The following FAM168A variants were observed in gnomAD, a reference collection of about 807,000 sequenced individuals.
FAM168A encodes the protein protein FAM168A.
FAM168A carries 3 observed loss-of-function variants against 28.5 expected under a neutral mutation model. The ratio of observed to expected loss-of-function variants is 0.11; its 90% CI spans 0.05 to 0.27. The LOEUF is 0.27. Ranked by LOEUF, FAM168A falls within the 10% of genes least tolerant of loss-of-function variation. The pLI is 1.00. For missense variants in FAM168A, 222 were observed against 311.5 expected (o/e 0.71, Z 2.16); for synonymous variants, 122 against 124.2 (o/e 0.98, Z 0.12).
intron 1 of FAM168A, among the ~76,000 whole-genome samples, chr11:73,528,994 G>A (rs1382818522): frequency 6.6e-6 from 1 of 151,926 alleles, no homozygotes; most frequent in African/African-American, 2.4e-5. Flanking sequence ...CTGCTAGTGT[G>A]GGATTTAAAA....
At chr11:73,487,504 T>C (rs933352159) in intron 1 of FAM168A, among the ~76,000 whole-genome samples, 1 of 152,200 alleles carries the variant, frequency 6.6e-6, no homozygotes, top group African/African-American at 2.4e-5. Context: ...TTTCCTCTTA[T>C]GCCTTAAAGA....
At chr11:73,502,722 C>T (rs1855033021) in intron 1 of FAM168A, among the ~76,000 whole-genome samples, 1 of 152,104 alleles carries the variant, frequency 6.6e-6, no homozygotes, top group Admixed American at 6.5e-5. Context: ...GCCAAATATC[C>T]CTGATGAACA....
chr11:73,584,883 C>T (rs1565308942), intron 1 of FAM168A, among the ~76,000 whole-genome samples: 2 of 151,914 alleles, frequency 1.3e-5, no homozygotes, highest in Non-Finnish European at 2.9e-5. Flanking sequence ...TGATAGAGTC[C>T]GAGCACTCTG....
chr11:73,571,234 TCCCCC>T (rs375850220), intron 1 of FAM168A, among the ~76,000 whole-genome samples: 2 of 49,464 alleles, frequency 4.0e-5, no homozygotes, highest in African/African-American at 1.3e-4. Flanking sequence ...CCCCTCCCCC[TCCCCC>T]CCCCCTCCCC....
At chr11:73,553,493 C>T (rs1943852171) in intron 1 of FAM168A, among the ~76,000 whole-genome samples, 1 of 152,130 alleles carries the variant, frequency 6.6e-6, no homozygotes, top group Admixed American at 6.6e-5. Context: ...TCACTGTAAA[C>T]AAATGAGGAT....
Position 73,401,666 on chromosome 11 carries a change from G to GAA in FAM168A, c.*5096_*5097insTT, listed in dbSNP as rs1435266898. ...GGTAGAGGACCTCTACCACAGCAAG[G>GAA]ATATCCAGGGACTATCCATGTGGCC... On this transcript the variant is annotated 3_prime_UTR_variant, in exon 8 of 8. Coordinates refer to ENST00000356467, the MANE Select transcript of FAM168A (RefSeq NM_015159.3). 6.6e-6 allele frequency: 1 copy of GAA among 152,248 alleles called. No individual in the cohort carries two copies. Among genetic ancestry groups the GAA allele is most frequent in the Non-Finnish European group, 1.5e-5 (1 of 68,044 alleles). The allele number at this position is 152,248 out of a possible 1,614,324, so 9.4% of individuals were successfully genotyped here.
chr11:73,467,087 A>ATTTATACTACTTATGTGGAG lies in FAM168A; in HGVS notation c.70+1298_70+1317dup, dbSNP rs548765470. ...AAACTTTGGCCTGTATGAAGTCTGA[A>ATTTATACTACTTATGTGGAG]TTTATACTACTTATGTGGAGTTTAT... is the stretch of plus-strand genomic sequence containing the variant. On this transcript the variant is annotated intron_variant, in intron 2 of 7. Transcript: ENST00000356467. Among the ~76,000 whole-genome samples, 283 of 152,306 alleles carry ATTTATACTACTTATGTGGAG rather than the reference A, an allele frequency of 1.9e-3. 1 individual carries two copies. The highest frequency in any genetic ancestry group is 3.4e-3 in the Non-Finnish European group (229 of 68,042).
chr11:73,583,583 G>A (rs1278087042), intron 1 of FAM168A, among the ~76,000 whole-genome samples: 1 of 152,154 alleles, frequency 6.6e-6, no homozygotes, highest in Non-Finnish European at 1.5e-5. Context: ...TCCCAACCTA[G>A]GAAATCACGG....
intron 2 of FAM168A, among the ~76,000 whole-genome samples, chr11:73,443,862 C>A (rs1323979752): frequency 6.6e-6 from 1 of 151,838 alleles, no homozygotes; most frequent in Non-Finnish European, 1.5e-5. Context: ...GTCCTTTTTT[C>A]CTTCTCCTGT....
At chr11:73,480,009 G>C (rs1319953123) in intron 1 of FAM168A, among the ~76,000 whole-genome samples, 1 of 152,084 alleles carries the variant, frequency 6.6e-6, no homozygotes, top group Admixed American at 6.6e-5. Context: ...GTAGCTGTCT[G>C]CTTCTTCATA....
chr11:73,570,973 G>A (rs1944079505), intron 1 of FAM168A, among the ~76,000 whole-genome samples: 1 of 151,964 alleles, frequency 6.6e-6, no homozygotes, highest in Non-Finnish European at 1.5e-5. Context: ...TGTTCTTATA[G>A]GCAAATAAAA....
At position 73,419,012 on chromosome 11, in the gene FAM168A, G is replaced by A. The variant is rs547329526; in HGVS notation, c.277+862C>T. 2.1e-4 allele frequency among the ~76,000 whole-genome samples: 32 copies of A among 152,016 alleles called. No individual in the cohort carries two copies. In the East Asian group the frequency reaches 2.9e-3, roughly 14 times the overall value. On this transcript the variant is annotated intron_variant, in intron 4 of 7. Transcript: ENST00000356467. ...TTTTTAGTGGAGACAGGGTTTCACCGTGTTAGCCAGGATGGTCTCAATCTC... is the reference window on the plus strand; with the variant it reads ...TTTTTAGTGGAGACAGGGTTTCACCATGTTAGCCAGGATGGTCTCAATCTC...
intron 1 of FAM168A, among the ~76,000 whole-genome samples, chr11:73,487,072 T>G (rs1277753656): frequency 6.6e-6 from 1 of 152,186 alleles, no homozygotes; most frequent in Non-Finnish European, 1.5e-5. Flanking sequence ...AAAAGACCTC[T>G]TCCTTCTCAG....
At chr11:73,452,699 A>C (rs1011131812) in intron 2 of FAM168A, among the ~76,000 whole-genome samples, 1 of 151,968 alleles carries the variant, frequency 6.6e-6, no homozygotes, top group African/African-American at 2.4e-5. Flanking sequence ...CTCTCCATCT[A>C]CCTATGAAGA....
At chr11:73,491,367 T>A (rs1868125996) in intron 1 of FAM168A, among the ~76,000 whole-genome samples, 1 of 152,216 alleles carries the variant, frequency 6.6e-6, no homozygotes, top group Admixed American at 6.5e-5. Context: ...CAAAAGACGC[T>A]CTTACAAGGC....
At chr11:73,464,984 C>A (rs1867711978) in intron 2 of FAM168A, among the ~76,000 whole-genome samples, 1 of 151,666 alleles carries the variant, frequency 6.6e-6, no homozygotes. Context: ...AACTGTATGT[C>A]CCATGCTCTT....
intron 3 of FAM168A, among the ~76,000 whole-genome samples, chr11:73,426,703 CTGTG>C (rs34499254): frequency 0.08 from 11,589 of 144,216 alleles, 473 homozygotes; most frequent in Non-Finnish European, 0.1. Context: ...CCAAAATATG[CTGTG>C]TGTGTGTGTG....
intron 1 of FAM168A, among the ~76,000 whole-genome samples, chr11:73,596,718 TAA>T (rs1280472467): frequency 6.6e-6 from 1 of 151,816 alleles, no homozygotes; most frequent in African/African-American, 2.4e-5. Context: ...ACCACCAAAA[TAA>T]TCCAACCCAA....
intron 1 of FAM168A, among the ~76,000 whole-genome samples, chr11:73,473,786 G>T (rs962987227): frequency 2.6e-5 from 4 of 151,540 alleles, no homozygotes; most frequent in Admixed American, 1.3e-4. Flanking sequence ...TCCTCCACAT[G>T]CTGTTATTCT....
Sources: allele counts gnomAD v4.1 joint callset (sites outside exome capture counted in the v4.1 genomes callset), GRCh38; gene constraint gnomAD v4.1.1; transcripts MANE v1.5; gene names NCBI Gene and HGNC (gene_info 2026-07-23, HGNC 2026-07-21).